The following SRRT variants were observed in gnomAD, a reference collection of about 807,000 sequenced individuals.
SRRT encodes serrate, RNA effector molecule.
A neutral mutation model predicts 103.2 loss-of-function variants in SRRT; 32 were observed. That is an observed-to-expected ratio of 0.31 (90% confidence interval 0.23 to 0.42). The LOEUF (loss-of-function observed/expected upper bound fraction) is 0.42, where lower values mean the gene tolerates loss of function less well. SRRT is among the 10% of genes least tolerant of loss of function. The pLI, the probability that SRRT is intolerant of heterozygous loss-of-function variation, is 1.00. For synonymous variants in SRRT, 525 were observed against 449.0 expected (o/e 1.17, Z -2.14); for missense variants, 986 against 1,207.5 (o/e 0.82, Z 2.72).
Position 100,886,818 on chromosome 7 carries a change from C to A in SRRT, c.1671C>A (p.Ile557=), listed in dbSNP as rs755043116. Residue 557 remains isoleucine, a synonymous_variant, in exon 14 of 20, where the codon ATC becomes ATA. Coordinates refer to ENST00000611405, the MANE Select transcript of SRRT (RefSeq NM_015908.6). The part of the protein sequence containing the change: ...LPTSLPSQNP[I]LKNITDYLIE... ...AGAGCCTGCCCTCGCAAAACCCGAT[C>A]TTGAAGAATATCACCGACTACCTGA... 93 of 1,614,072 alleles carry A rather than the reference C, an allele frequency of 5.8e-5. No homozygotes were observed. The Admixed American group carries it at 1.5e-3, about 27-fold the overall frequency.
At chr7:100,886,175 G>T in intron 12 of SRRT, 72 bp from the exon 13 acceptor site, 1 of 1,511,646 alleles carries the variant, frequency 6.6e-7, no homozygotes. Context: ...CAAGAGGGAA[G>T]GGTCTTAGAG....
chr7:100,884,354 C>G lies in SRRT; in HGVS notation c.758-14C>G, dbSNP rs1789874335. The G allele has an allele frequency of 1.2e-6, 2 of 1,612,866 alleles. No homozygotes were observed. The highest frequency in any genetic ancestry group is 1.3e-5 in the African/African-American group (1 of 74,746). On this transcript the variant is annotated splice_polypyrimidine_tract_variant and intron_variant, in intron 6 of 19. Transcript: ENST00000611405. ...GGGCCCTGGGGTCATGACCTCTGTTCCCTTTGTTGGTAGCCGTGATTAAGA... is the reference window on the plus strand; with the variant it reads ...GGGCCCTGGGGTCATGACCTCTGTTGCCTTTGTTGGTAGCCGTGATTAAGA...
chr7:100,884,991 T>C lies in SRRT; in HGVS notation c.1110T>C (p.Ser370=), dbSNP rs754117203. 1 of 1,614,042 alleles carries C rather than the reference T, an allele frequency of 6.2e-7. No homozygotes were observed. Among genetic ancestry groups the C allele is most frequent in the Non-Finnish European group, 8.5e-7 (1 of 1,180,002 alleles). ...TTGACGAGGGCAGCGTGTCAGAGTCTGAGTCGGAGTCAGAGAGCGGCCAGG... is the reference window on the plus strand; with the variant it reads ...TTGACGAGGGCAGCGTGTCAGAGTCCGAGTCGGAGTCAGAGAGCGGCCAGG... ...DSFDEGSVSE[S]ESESESGQAE... Residue 370 remains serine (S), a synonymous_variant, in exon 9 of 20, where the codon TCT becomes TCC. Transcript: ENST00000611405.
chr7:100,887,444 C>T lies in SRRT; in HGVS notation c.2100C>T (p.Phe700=), dbSNP rs371458309. ...RKDPEQEVEK[F]VTSNTQELGK... is the part of the protein sequence containing the mutation. ...ACCCAGAGCAGGAAGTGGAGAAGTT[C>T]GTCACCTCCAACACGCAGGAACTGG... The change falls in exon 16 of 20, where the codon TTC becomes TTT. Residue 700 remains phenylalanine, a synonymous_variant. Transcript: ENST00000611405. This position sits in a 1 kb window ranked among gnomAD's most constrained non-coding sequence, Gnocchi z 4.1. 9.9e-6 allele frequency: 16 copies of T among 1,614,020 alleles called. No individual in the cohort carries two copies. The highest frequency in any genetic ancestry group is 4.0e-5 in the African/African-American group (3 of 74,908).
rs762969920 is a variant in SRRT, at chr7:100,881,713, G to T, written c.306G>T (p.Gly102=). The change falls in exon 4 of 20, where the codon GGG becomes GGT. Residue 102 remains glycine, a synonymous_variant. Coordinates refer to ENST00000611405, the MANE Select transcript of SRRT (RefSeq NM_015908.6). Reference sequence around the variant, plus strand: ...GTGGCTATGAGATGCCCTATGCTGGGGGGGGTGGGGGCCCAACTTATGGCC... The same window carrying T: ...GTGGCTATGAGATGCCCTATGCTGGTGGGGGTGGGGGCCCAACTTATGGCC... ...YHSGYEMPYA[G]GGGGPTYGPP... is the part of the protein sequence containing the mutation. The T allele has an allele frequency of 1.2e-5, 19 of 1,613,968 alleles. No individual in the cohort carries two copies. In the South Asian group the frequency reaches 1.6e-4, roughly 14 times the overall value.
Position 100,884,391 on chromosome 7 carries a change from ACGGAGAATGATCTT to A in SRRT, c.784_797del (p.Glu262HisfsTer41). 6.2e-7 allele frequency: 1 copy of A among 1,613,618 alleles called. No individual in the cohort carries two copies. The highest frequency in any genetic ancestry group is 8.5e-7 in the Non-Finnish European group (1 of 1,179,876). On this transcript the variant is annotated frameshift_variant, in exon 7 of 20. Coordinates refer to ENST00000611405, the MANE Select transcript of SRRT (RefSeq NM_015908.6). LOFTEE classifies it high-confidence loss of function. The stretch of plus-strand genomic sequence containing the variant: ...AGCCGTGATTAAGATGGAAGGAGGC[ACGGAGAATGATCTT>A]CGCATCCTGGAGCAGGAGGAGGAGG...
At position 100,881,429 on chromosome 7, in the gene SRRT, TTCCC is replaced by T; in HGVS notation, c.251+19_251+22del. The T allele has an allele frequency of 6.2e-7, 1 of 1,606,876 alleles. No individual in the cohort carries two copies. The highest frequency in any genetic ancestry group is 8.5e-7 in the Non-Finnish European group (1 of 1,174,240). Reference sequence around the variant, plus strand: ...GGAGAGACTGGTGAGATGGAGCGGTTTCCCTCTCCTCCCCTTTGCCTCAGTTCCA... The same window carrying T: ...GGAGAGACTGGTGAGATGGAGCGGTTTCTCCTCCCCTTTGCCTCAGTTCCA... On this transcript the variant is annotated intron_variant, in intron 3 of 19. Transcript: ENST00000611405.
Position 100,875,341 on chromosome 7 carries a change from A to C in SRRT, c.-19+13A>C. 1 of 1,243,490 alleles carries C rather than the reference A, an allele frequency of 8.0e-7. No homozygotes were observed. The highest frequency in any genetic ancestry group is 3.7e-5 in the East Asian group (1 of 27,200). The allele number at this position is 1,243,490 out of a possible 1,614,324, so 77.0% of individuals were successfully genotyped here. On this transcript the variant is annotated intron_variant, in intron 1 of 19. Transcript: ENST00000611405. ...CGGCCGCACCAAGGTGGGGGAGGGG[A>C]GGAGCCTGGGGGGCCCCGCTGGGGC...
At chr7:100,879,810 C>CA (rs558063196) in intron 2 of SRRT, among the ~76,000 whole-genome samples, 32,134 of 108,610 alleles carry the variant, frequency 0.3, 4,518 homozygotes, top group East Asian at 0.48. Flanking sequence ...AGACTGTCTC[C>CA]AAAAAAAAAA....
rs1007790005 is a variant in SRRT at position 100,887,574 on chromosome 7, C to T, written c.2169+61C>T. On this transcript the variant is annotated intron_variant, in intron 16 of 19. Coordinates refer to ENST00000611405, the MANE Select transcript of SRRT (RefSeq NM_015908.6). The surrounding 1 kb of genome is among the most constrained non-coding windows in gnomAD (Gnocchi z 4.1). The stretch of plus-strand genomic sequence containing the variant: ...TGGGAGGTGGGGTTGAGACAGGAAG[C>T]CCCCTGGGCAGGGGTGGGGGAACTG... The T allele has an allele frequency of 4.4e-6, 7 of 1,590,252 alleles. No individual in the cohort carries two copies. Among genetic ancestry groups the T allele is most frequent in the East Asian group, 2.2e-5 (1 of 44,638 alleles).
intron 7 of SRRT, 75 bp downstream of exon 7, chr7:100,884,627 A>G (rs1488297768): frequency 1.1e-5 from 13 of 1,225,104 alleles, no homozygotes; most frequent in Admixed American, 2.2e-5. Flanking sequence ...CATAGGAGCT[A>G]GAAGTAGGGG....
intron 3 of SRRT, 114 bp downstream of exon 3, chr7:100,881,527 C>G: frequency 6.4e-7 from 1 of 1,562,514 alleles, no homozygotes; most frequent in Admixed American, 1.9e-5. Context: ...AACTTCCCAT[C>G]ACCCATCGTT....
Position 100,886,875 on chromosome 7 carries a change from G to C in SRRT, c.1728G>C (p.Leu576=). ...AAGTAAGCGCCGAGGAGGAGGAGCT[G>C]CTGGGGAGCAGCGGGGGCGCTCCTC... ...IEEVSAEEEE[L]LGSSGGAPPE... The change falls in exon 14 of 20, where the codon CTG becomes CTC. Residue 576 remains leucine (L), a synonymous_variant. Coordinates refer to ENST00000611405, the MANE Select transcript of SRRT (RefSeq NM_015908.6). The C allele has an allele frequency of 1.9e-6, 3 of 1,614,196 alleles. No individual in the cohort carries two copies. The highest frequency in any genetic ancestry group is 2.5e-6 in the Non-Finnish European group (3 of 1,180,032).
chr7:100,880,208 G>A (rs12705094), intron 2 of SRRT, among the ~76,000 whole-genome samples: 62,333 of 152,162 alleles, frequency 0.41, 15,022 homozygotes, highest in East Asian at 0.8. Flanking sequence ...GACAGCTGGC[G>A]AGAGATGCTG....
At chr7:100,880,496 T>G (rs1045795227) in intron 2 of SRRT, among the ~76,000 whole-genome samples, 12 of 152,076 alleles carry the variant, frequency 7.9e-5, no homozygotes, top group African/African-American at 2.2e-4. Context: ...TAGTAGAGAC[T>G]GGGTTTCACC....
rs1322741605 is a variant in SRRT at position 100,885,032 on chromosome 7, A to T, written c.1151A>T (p.Glu384Val). The T allele has an allele frequency of 1.9e-6, 3 of 1,613,798 alleles. No homozygotes were observed. The highest frequency in any genetic ancestry group is 2.5e-6 in the Non-Finnish European group (3 of 1,179,982). ...AGCGGCCAGGCTGAGGAGGAGAAGGAGGAGGCCGGTAGGGTTTCTTTTCTG... is the reference window on the plus strand; with the variant it reads ...AGCGGCCAGGCTGAGGAGGAGAAGGTGGAGGCCGGTAGGGTTTCTTTTCTG... ...SESGQAEEEK[E>V]EAEEALKEKE... The change falls in exon 9 of 20, where the codon GAG (glutamate) becomes GTG (valine). Residue 384 changes from glutamate (E) to valine (V), a missense_variant. Around this residue, in one of 6 missense-constraint regions of SRRT, gnomAD observed 166 missense variants for 148.6 expected, o/e 1.12. Coordinates refer to ENST00000611405, the MANE Select transcript of SRRT (RefSeq NM_015908.6). The surrounding 1 kb of genome is among the most constrained non-coding windows in gnomAD (Gnocchi z 4.8).
rs1790192901 is a variant in SRRT at position 100,887,008 on chromosome 7, T to C, written c.1822-39T>C. 1 of 1,610,582 alleles carries C rather than the reference T, an allele frequency of 6.2e-7. No homozygotes were observed. The highest frequency in any genetic ancestry group is 1.3e-5 in the African/African-American group (1 of 74,840). On this transcript the variant is annotated intron_variant, in intron 14 of 19. Coordinates refer to ENST00000611405, the MANE Select transcript of SRRT (RefSeq NM_015908.6). This position sits in a 1 kb window ranked among gnomAD's most constrained non-coding sequence, Gnocchi z 4.1. ...GCGGGGCACGTGGGGGCTCGGGCGGTGAGGGCAGGAGCTGAACGCTCGCAT... is the reference window on the plus strand; with the variant it reads ...GCGGGGCACGTGGGGGCTCGGGCGGCGAGGGCAGGAGCTGAACGCTCGCAT...
Position 100,884,964 on chromosome 7 carries a change from C to G in SRRT, c.1083C>G (p.Ser361Arg), listed in dbSNP as rs570385962. 6 of 1,614,040 alleles carry G rather than the reference C, an allele frequency of 3.7e-6. No homozygotes were observed. Among genetic ancestry groups the G allele is most frequent in the East Asian group, 2.2e-5 (1 of 44,872 alleles). The change falls in exon 9 of 20, where the codon AGC becomes AGG. Residue 361 changes from serine (S) to arginine (R), a missense_variant. Around this residue, in one of 6 missense-constraint regions of SRRT, gnomAD observed 166 missense variants for 148.6 expected, o/e 1.12. Coordinates refer to ENST00000611405, the MANE Select transcript of SRRT (RefSeq NM_015908.6). ...KRNRKHSGDD[S>R]FDEGSVSESE... ...ACCGGAAGCACAGTGGTGACGACAG[C>G]TTTGACGAGGGCAGCGTGTCAGAGT...
intron 2 of SRRT, among the ~76,000 whole-genome samples, chr7:100,876,252 A>G (rs933389449): frequency 9.9e-5 from 15 of 152,218 alleles, no homozygotes; most frequent in Non-Finnish European, 1.5e-4. Flanking sequence ...CTGGGGTTCA[A>G]GTAATTCTCC....
Sources: gnomAD v4.1 joint callset for allele counts (sites outside exome capture counted in the v4.1 genomes callset) on GRCh38, gnomAD v4.1.1 for gene constraint, gnomAD v4.1.1 regional missense constraint, Gnocchi (gnomAD v3.1) non-coding constraint, MANE v1.5 for transcripts, NCBI Gene and HGNC (gene_info 2026-07-23, HGNC 2026-07-21) for gene names.